NEGR1: variants seen among roughly 807,000 people sequenced by gnomAD.
The protein encoded by NEGR1 is neuronal growth regulator 1, also known as IgLON family member 4.
In NEGR1, 10 loss-of-function variants were observed where a neutral mutation model predicts 40.9. The ratio of observed to expected loss-of-function variants is 0.24; its 90% confidence interval spans 0.15 to 0.42. NEGR1 has a LOEUF of 0.42. NEGR1 is among the 10% of genes least tolerant of loss of function. The pLI is 1.00. For synonymous variants in NEGR1, 185 were observed against 166.8 expected, an observed-to-expected ratio of 1.11 and a Z score of -0.84; for missense variants, 352 against 438.9, an observed-to-expected ratio of 0.80 and a Z score of 1.77.
intron 2 of NEGR1, among the ~76,000 whole-genome samples, chr1:71,909,502 T>C (rs946783956): frequency 1.3e-5 from 2 of 152,202 alleles, no homozygotes; most frequent in African/African-American, 4.8e-5. Context: ...ATTTCTTCAA[T>C]CCTGCTCTTT....
intron 1 of NEGR1, among the ~76,000 whole-genome samples, chr1:71,986,902 G>C (rs1320444006): frequency 6.6e-6 from 1 of 152,174 alleles, no homozygotes; most frequent in Non-Finnish European, 1.5e-5. Context: ...CAATTTTGCA[G>C]CAGGGAACTG....
chr1:71,706,152 C>T (rs1653890979), intron 3 of NEGR1, among the ~76,000 whole-genome samples: 1 of 152,210 alleles, frequency 6.6e-6, no homozygotes, highest in Non-Finnish European at 1.5e-5. Flanking sequence ...CTGTGCGGTG[C>T]ACAGAGCATC....
chr1:72,038,986 T>A lies in NEGR1; in HGVS notation c.177-103675A>T, dbSNP rs148996592. ...AAATGTGAGTACATGAAAAAGAAAATTTCGCAGAAGGAAAGAATGAGGGCA... is the reference window on the plus strand; with the variant it reads ...AAATGTGAGTACATGAAAAAGAAAAATTCGCAGAAGGAAAGAATGAGGGCA... On this transcript the variant is annotated intron_variant, in intron 1 of 6. Transcript: ENST00000357731. Among the ~76,000 whole-genome samples the A allele has an allele frequency of 9.3e-4, 142 of 151,880 alleles. 1 individual carries two copies. In the East Asian group the frequency reaches 0.015, roughly 16 times the overall value.
intron 3 of NEGR1, among the ~76,000 whole-genome samples, chr1:71,731,653 G>T (rs1358301054): frequency 6.6e-6 from 1 of 152,122 alleles, no homozygotes. Context: ...CTGTTCATCA[G>T]TAGAGCAGGC....
intron 3 of NEGR1, among the ~76,000 whole-genome samples, chr1:71,710,824 C>T (rs1321975765): frequency 1.3e-5 from 2 of 152,008 alleles, no homozygotes; most frequent in Non-Finnish European, 2.9e-5. Context: ...TTTGATAGCA[C>T]AATAGGGCAA....
intron 2 of NEGR1, among the ~76,000 whole-genome samples, chr1:71,850,240 C>T (rs115253779): frequency 2.0e-5 from 3 of 152,112 alleles, no homozygotes; most frequent in African/African-American, 4.8e-5. Context: ...ACTGCAACCT[C>T]CACCTTTTGG....
intron 6 of NEGR1, among the ~76,000 whole-genome samples, chr1:71,429,243 T>G (rs1044173125): frequency 6.6e-6 from 1 of 152,164 alleles, no homozygotes; most frequent in Non-Finnish European, 1.5e-5. Flanking sequence ...AGGAACAAAC[T>G]AGCATGTAGT....
chr1:71,761,915 C>G (rs995013995), intron 3 of NEGR1, among the ~76,000 whole-genome samples: 2 of 151,986 alleles, frequency 1.3e-5, no homozygotes, highest in Non-Finnish European at 2.9e-5. Flanking sequence ...ATACAAAATA[C>G]TTTCCTTCTC....
chr1:71,459,286 C>A (rs1241887080), intron 6 of NEGR1, among the ~76,000 whole-genome samples: 2 of 152,104 alleles, frequency 1.3e-5, no homozygotes, highest in African/African-American at 4.8e-5. Flanking sequence ...AAGAAAAAAA[C>A]AAAGTCTCCC....
chr1:71,609,362 A>C (rs1650169001), intron 5 of NEGR1, among the ~76,000 whole-genome samples: 1 of 151,102 alleles, frequency 6.6e-6, no homozygotes, highest in Non-Finnish European at 1.5e-5. Flanking sequence ...AAAAATACAA[A>C]AAATAAGCCG....
chr1:71,842,483 A>G (rs1227147755), intron 2 of NEGR1, among the ~76,000 whole-genome samples: 1 of 152,214 alleles, frequency 6.6e-6, no homozygotes, highest in South Asian at 2.1e-4. Context: ...ATAAGGAGCT[A>G]TTAAGAAATT....
intron 6 of NEGR1, among the ~76,000 whole-genome samples, chr1:71,496,674 A>G (rs1646965982): frequency 6.6e-6 from 1 of 152,072 alleles, no homozygotes; most frequent in African/African-American, 2.4e-5. Context: ...GAAGGACCCT[A>G]AATTGGGACA....
intron 1 of NEGR1, among the ~76,000 whole-genome samples, chr1:72,270,686 CTGTT>C (rs1398808727): frequency 5.3e-5 from 8 of 151,840 alleles, no homozygotes; most frequent in Non-Finnish European, 7.4e-5. Context: ...TTCCTCTCTT[CTGTT>C]TCTTTCCATT....
intron 6 of NEGR1, among the ~76,000 whole-genome samples, chr1:71,564,680 T>C (rs1223702315): frequency 6.6e-6 from 1 of 152,140 alleles, no homozygotes; most frequent in Non-Finnish European, 1.5e-5. Context: ...TAAATGACTA[T>C]GTTTTATCAA....
intron 2 of NEGR1, among the ~76,000 whole-genome samples, chr1:71,871,843 G>C (rs1040904475): frequency 3.9e-5 from 6 of 152,120 alleles, no homozygotes; most frequent in African/African-American, 1.4e-4. Context: ...ATGAATTGCA[G>C]CTTCCAGTAA....
chr1:71,565,737 A>T (rs927038102), intron 6 of NEGR1, among the ~76,000 whole-genome samples: 7 of 152,188 alleles, frequency 4.6e-5, no homozygotes, highest in African/African-American at 1.7e-4. Context: ...AAAGCAGAGA[A>T]TAATATTGAG....
chr1:72,188,966 T>C (rs150425426), intron 1 of NEGR1, among the ~76,000 whole-genome samples: 1,832 of 151,616 alleles, frequency 0.012, 29 homozygotes, highest in African/African-American at 0.042. Flanking sequence ...CATAAATATA[T>C]GCCCATTAGG....
At chr1:71,981,689 T>C (rs1413307639) in intron 1 of NEGR1, among the ~76,000 whole-genome samples, 1 of 152,034 alleles carries the variant, frequency 6.6e-6, no homozygotes, top group African/African-American at 2.4e-5. Flanking sequence ...GAGATGTCAT[T>C]ATGGATTCAA....
intron 1 of NEGR1, among the ~76,000 whole-genome samples, chr1:72,213,646 T>C (rs1172583027): frequency 1.3e-5 from 2 of 151,654 alleles, no homozygotes; most frequent in African/African-American, 2.4e-5. Flanking sequence ...TCCCAAAATA[T>C]TGCTAGTTAC....
Sources: allele counts gnomAD v4.1 joint callset (sites outside exome capture counted in the v4.1 genomes callset), GRCh38; gene constraint gnomAD v4.1.1; transcripts MANE v1.5; gene names NCBI Gene and HGNC (gene_info 2026-07-23, HGNC 2026-07-21).